The following RCOR3 variants were observed in gnomAD, a reference collection of about 807,000 sequenced individuals.
RCOR3 encodes REST corepressor 3.
Under a neutral mutation model 64.1 loss-of-function variants are expected in RCOR3, and 13 were observed. The ratio of observed to expected loss-of-function variants is 0.20; its 90% CI spans 0.13 to 0.32. The LOEUF (loss-of-function observed/expected upper bound fraction) is 0.32, where lower values mean the gene tolerates loss of function less well. Ranked by LOEUF, RCOR3 falls within the 10% of genes least tolerant of loss-of-function variation. The pLI, the probability that RCOR3 is intolerant of heterozygous loss-of-function variation, is 1.00. For synonymous variants in RCOR3, 215 were observed against 239.0 expected (o/e 0.90, Z 0.93); for missense variants, 489 against 701.2 (o/e 0.70, Z 3.42).
At chr1:211,307,276 G>A (rs1367028021) in intron 10 of RCOR3, among the ~76,000 whole-genome samples, 1 of 152,054 alleles carries the variant, frequency 6.6e-6, no homozygotes, top group South Asian at 2.1e-4. Flanking sequence ...ATCACTTGAG[G>A]CCAGGAGTTC....
intron 5 of RCOR3, among the ~76,000 whole-genome samples, chr1:211,277,070 C>T (rs1199423631): frequency 2.0e-5 from 3 of 148,774 alleles, no homozygotes; most frequent in Middle Eastern, 3.4e-3. Context: ...TGGGCAACAG[C>T]GCGAGACTCT....
At chr1:211,273,460 A>G (rs961733108) in intron 3 of RCOR3, among the ~76,000 whole-genome samples, 1 of 152,234 alleles carries the variant, frequency 6.6e-6, no homozygotes, top group Non-Finnish European at 1.5e-5. Flanking sequence ...TAATTTATAC[A>G]TACATACACA....
At chr1:211,308,698 T>TTTTTTTTG (rs1701171863) in intron 10 of RCOR3, among the ~76,000 whole-genome samples, 4 of 40,844 alleles carry the variant, frequency 9.8e-5, no homozygotes, top group African/African-American at 2.1e-4. Flanking sequence ...TTTTTTTTTT[T>TTTTTTTTG]TGTGTAGTCC....
intron 8 of RCOR3, among the ~76,000 whole-genome samples, chr1:211,291,903 G>A (rs1337348514): frequency 6.6e-6 from 1 of 152,110 alleles, no homozygotes; most frequent in Non-Finnish European, 1.5e-5. Context: ...AACATCACTT[G>A]AGGCCAGGAG....
At chr1:211,287,537 C>T (rs546778799) in intron 7 of RCOR3, among the ~76,000 whole-genome samples, 3 of 152,152 alleles carry the variant, frequency 2.0e-5, no homozygotes, top group Non-Finnish European at 4.4e-5. Flanking sequence ...ACATCAGATC[C>T]GCCATGTGTT....
intron 7 of RCOR3, among the ~76,000 whole-genome samples, chr1:211,288,319 T>C (rs984135705): frequency 1.3e-5 from 2 of 151,444 alleles, no homozygotes; most frequent in Admixed American, 1.3e-4. Context: ...TATATCATAC[T>C]TTAAGAACAA....
At chr1:211,308,669 T>G (rs1454689972) in intron 10 of RCOR3, among the ~76,000 whole-genome samples, 79 of 25,144 alleles carry the variant, frequency 3.1e-3, no homozygotes, top group African/African-American at 6.4e-3. Context: ...GTGTTTTTTT[T>G]TTTGTTTTTT....
intron 2 of RCOR3, among the ~76,000 whole-genome samples, chr1:211,261,470 A>G (rs2102409181): frequency 6.6e-6 from 1 of 152,324 alleles, no homozygotes; most frequent in East Asian, 1.9e-4. Context: ...TTATTCAAAG[A>G]CTATCAGTGT....
intron 2 of RCOR3, chr1:211,267,793 A>C (rs754706269): frequency 8.8e-5 from 30 of 339,358 alleles, no homozygotes; most frequent in Middle Eastern, 9.3e-4. Flanking sequence ...AGGTCTTGCT[A>C]TGTTTCCCAG....
rs1271637691 is a variant in RCOR3, at chr1:211,304,116, G to C, written c.1051G>C (p.Glu351Gln). Residue 351 changes from glutamate (E) to glutamine (Q), a missense_variant, in exon 10 of 12, where the codon GAG (glutamate) becomes CAG (glutamine). By Grantham distance (29) the Glu-to-Gln change is conservative (BLOSUM62 2). Transcript: ENST00000419091. ...NQKINARWTTEEQLLAVQGVR... is the reference protein window; with the variant it reads ...NQKINARWTTQEQLLAVQGVR... ...GAAAATTAATGCCCGTTGGACCACA[G>C]AGGAGCAGCTTCTAGCAGTGCAAGG... The C allele has an allele frequency of 6.2e-7, 1 of 1,605,014 alleles. No homozygotes were observed. Among genetic ancestry groups the C allele is most frequent in the Non-Finnish European group, 8.5e-7 (1 of 1,176,788 alleles).
rs776877425 is a variant in RCOR3 at position 211,278,240 on chromosome 1, A to G, written c.640A>G (p.Ser214Gly). 2.5e-6 allele frequency: 4 copies of G among 1,613,736 alleles called. No individual in the cohort carries two copies. Among genetic ancestry groups the G allele is most frequent in the Non-Finnish European group, 3.4e-6 (4 of 1,179,790 alleles). Residue 214 changes from serine to glycine, a missense_variant and splice_region_variant, in exon 6 of 12, where the codon AGT becomes GGT. Physicochemically the swap from Ser to Gly is moderately conservative, Grantham distance 56. Around this residue, in one of 2 missense-constraint regions of RCOR3, gnomAD observed 402 missense variants for 617.0 expected, o/e 0.65. Coordinates refer to ENST00000419091, the MANE Select transcript of RCOR3 (RefSeq NM_001136223.3). The part of the protein sequence containing the change: ...KLANRHNQGD[S>G]DDDVEETHPM... Reference sequence around the variant, plus strand: ...AGCTAATAGACATAATCAGGGTGACAGGTAGGTTGGTTACCTTCATATAGT... The same window carrying G: ...AGCTAATAGACATAATCAGGGTGACGGGTAGGTTGGTTACCTTCATATAGT...
chr1:211,265,184 T>C lies in RCOR3; in HGVS notation c.223+5020T>C, dbSNP rs138612745. 3.9e-3 allele frequency among the ~76,000 whole-genome samples: 587 copies of C among 152,350 alleles called. 3 individuals carry two copies. Among genetic ancestry groups the C allele is most frequent in the African/African-American group, 0.014 (564 of 41,570 alleles). On this transcript the variant is annotated intron_variant, in intron 2 of 11. Coordinates refer to ENST00000419091, the MANE Select transcript of RCOR3 (RefSeq NM_001136223.3). ...TTATTTGTCACTGAGTTTAAATAGT[T>C]GAAAAATATAATCTGTAGTGTATTG... is the stretch of plus-strand genomic sequence containing the variant.
intron 7 of RCOR3, among the ~76,000 whole-genome samples, chr1:211,288,481 ATTTATAAATATTTATAAATTAT>A (rs1455244315): frequency 8.9e-6 from 1 of 112,898 alleles, no homozygotes; most frequent in African/African-American, 3.3e-5. Flanking sequence ...TTATAAATAA[ATTTATAAATATTTATAAATTAT>A]TTTATAAATA....
chr1:211,263,727 G>T (rs1363710375), intron 2 of RCOR3, among the ~76,000 whole-genome samples: 1 of 152,118 alleles, frequency 6.6e-6, no homozygotes, highest in Non-Finnish European at 1.5e-5. Context: ...TAAGTGTTGT[G>T]CTGTTGTGTG....
At chr1:211,272,023 T>A (rs1470631404) in intron 3 of RCOR3, 2 of 155,484 alleles carry the variant, frequency 1.3e-5, no homozygotes, top group Non-Finnish European at 2.9e-5. Context: ...CTTAAAGGTG[T>A]CTGATTTATT....
intron 10 of RCOR3, among the ~76,000 whole-genome samples, chr1:211,309,165 C>A (rs1701246932): frequency 6.7e-6 from 1 of 148,654 alleles, no homozygotes; most frequent in Non-Finnish European, 1.5e-5. Flanking sequence ...GAAGTTACCA[C>A]AATCTTACTA....
rs189823584 is a variant in RCOR3, at chr1:211,281,673, A to G, written c.720+2357A>G. Among the ~76,000 whole-genome samples the G allele has an allele frequency of 2.6e-4, 39 of 152,238 alleles. No individual in the cohort carries two copies. In the East Asian group the frequency reaches 4.6e-3, roughly 18 times the overall value. ...CGTTTAGTTCCCTGGCTTTTGTCCT[A>G]TGATTATGTTGGTCCCTTTTTTTCT... On this transcript the variant is annotated intron_variant, in intron 7 of 11. Coordinates refer to ENST00000419091, the MANE Select transcript of RCOR3 (RefSeq NM_001136223.3).
At chr1:211,294,506 C>T (rs551354593) in intron 8 of RCOR3, among the ~76,000 whole-genome samples, 1 of 151,908 alleles carries the variant, frequency 6.6e-6, no homozygotes, top group Admixed American at 6.5e-5. Context: ...ATGTTGTGTC[C>T]CAACCTCTTT....
At chr1:211,306,834 T>C (rs1011228990) in intron 10 of RCOR3, among the ~76,000 whole-genome samples, 3 of 152,208 alleles carry the variant, frequency 2.0e-5, no homozygotes, top group African/African-American at 4.8e-5. Flanking sequence ...TTTACACTTT[T>C]GTAATCAGTC....
Sources: allele counts gnomAD v4.1 joint callset (sites outside exome capture counted in the v4.1 genomes callset), GRCh38; gene constraint gnomAD v4.1.1; regional missense constraint gnomAD v4.1.1; transcripts MANE v1.5; gene names NCBI Gene and HGNC (gene_info 2026-07-23, HGNC 2026-07-21).